RNF38: variants seen among roughly 807,000 people sequenced by gnomAD.
RNF38 encodes the protein ring finger protein 38.
Under a neutral mutation model 67.2 loss-of-function variants are expected in RNF38, and 15 were observed. The ratio of observed to expected loss-of-function variants is 0.22; its 90% CI spans 0.15 to 0.34. RNF38 has a LOEUF of 0.34. RNF38 is among the 10% of genes least tolerant of loss of function. The pLI is 1.00. For missense variants in RNF38, 524 were observed against 639.9 expected (o/e 0.82, Z 1.95); for synonymous variants, 220 against 218.8 (o/e 1.01, Z -0.05).
chr9:36,433,948 T>C (rs1388411653), intron 1 of RNF38, among the ~76,000 whole-genome samples: 2 of 151,770 alleles, frequency 1.3e-5, no homozygotes, highest in Non-Finnish European at 2.9e-5. Context: ...AAAATACTTA[T>C]AACTTTTAGG....
intron 3 of RNF38, 98 bp downstream of exon 3, chr9:36,375,836 T>G: frequency 2.6e-6 from 3 of 1,148,058 alleles, no homozygotes; most frequent in Non-Finnish European, 3.7e-6. Flanking sequence ...GGTGATGTGT[T>G]TATGAAATGC....
chr9:36,439,790 C>CAAAA (rs1156589143), intron 1 of RNF38, among the ~76,000 whole-genome samples: 2 of 76,342 alleles, frequency 2.6e-5, no homozygotes, highest in African/African-American at 4.8e-5. Context: ...GACTCTGTCT[C>CAAAA]AAAAAAAAAA....
At chr9:36,387,361 G>A (rs1836725050) in intron 2 of RNF38, among the ~76,000 whole-genome samples, 1 of 152,166 alleles carries the variant, frequency 6.6e-6, no homozygotes, top group Non-Finnish European at 1.5e-5. Context: ...CAGTCATTAA[G>A]ATACCACAAA....
At chr9:36,400,575 T>G (rs1045921908), upstream of RNF38, 15 of 986,960 alleles carry the variant, frequency 1.5e-5, no homozygotes, top group South Asian at 6.5e-4. Flanking sequence ...GGCTCCGCCC[T>G]GCCGGGCAGC....
At chr9:36,361,472 A>G (rs1181874183) in intron 4 of RNF38, among the ~76,000 whole-genome samples, 1 of 152,116 alleles carries the variant, frequency 6.6e-6, no homozygotes, top group East Asian at 1.9e-4. Context: ...CAGATTGTAT[A>G]GCCATTTTTT....
intron 1 of RNF38, among the ~76,000 whole-genome samples, chr9:36,435,247 G>A (rs569840054): frequency 5.3e-5 from 8 of 152,166 alleles, no homozygotes; most frequent in Non-Finnish European, 8.8e-5. Context: ...TGAACCATGC[G>A]AATATATTAC....
At chr9:36,442,386 C>T (rs1174799017) in intron 1 of RNF38, among the ~76,000 whole-genome samples, 2 of 152,086 alleles carry the variant, frequency 1.3e-5, no homozygotes, top group African/African-American at 4.8e-5. Context: ...ATCCACCTAC[C>T]CACTCATTTC....
At chr9:36,416,742 A>G (rs59893421) in intron 2 of RNF38, among the ~76,000 whole-genome samples, 1 of 63,470 alleles carries the variant, frequency 1.6e-5, no homozygotes, top group African/African-American at 6.5e-5. Flanking sequence ...CTGCCTCGAT[A>G]TTTTTTTTTT....
At chr9:36,417,987 T>A (rs1838517991) in intron 2 of RNF38, among the ~76,000 whole-genome samples, 1 of 152,082 alleles carries the variant, frequency 6.6e-6, no homozygotes, top group Admixed American at 6.5e-5. Context: ...AAATTCCAAT[T>A]GTTATTTCTC....
chr9:36,390,116 C>G (rs1422376569), intron 2 of RNF38, among the ~76,000 whole-genome samples: 1 of 152,162 alleles, frequency 6.6e-6, no homozygotes, highest in African/African-American at 2.4e-5. Flanking sequence ...AACTAGTGAA[C>G]ATCTTACATG....
At chr9:36,372,630 A>G (rs1395508719) in intron 3 of RNF38, 1 of 657,234 alleles carries the variant, frequency 1.5e-6, no homozygotes, top group African/African-American at 1.8e-5. Flanking sequence ...AATACAGAGT[A>G]AGACACACTG....
intron 2 of RNF38, among the ~76,000 whole-genome samples, chr9:36,382,697 G>A (rs1030367603): frequency 3.9e-5 from 6 of 152,280 alleles, no homozygotes; most frequent in African/African-American, 9.6e-5. Flanking sequence ...CCTTCCCAAA[G>A]CAGCAAAGAG....
At position 36,363,598 on chromosome 9, in the gene RNF38, C is replaced by T. The variant is rs1157295781; in HGVS notation, c.571-5656G>A. 4.0e-5 allele frequency among the ~76,000 whole-genome samples: 4 copies of T among 100,334 alleles called. 1 individual carries two copies. Among genetic ancestry groups the T allele is most frequent in the Non-Finnish European group, 7.8e-5 (3 of 38,696 alleles). The allele number at this position is 100,334 out of a possible 152,430, so 65.8% of individuals were successfully genotyped here. On this transcript the variant is annotated intron_variant, in intron 4 of 11. Transcript: ENST00000259605. The stretch of plus-strand genomic sequence containing the variant: ...CATATGCCATGTATATATACTCATG[C>T]GTGGCTTAACGATGGAGATACATTC...
intron 2 of RNF38, among the ~76,000 whole-genome samples, chr9:36,420,883 T>A (rs1370391642): frequency 2.0e-5 from 3 of 152,174 alleles, no homozygotes; most frequent in Non-Finnish European, 4.4e-5. Flanking sequence ...CAGGATTTAA[T>A]AATTAACATC....
chr9:36,392,858 A>G (rs2134045242), intron 1 of RNF38, among the ~76,000 whole-genome samples: 1 of 152,340 alleles, frequency 6.6e-6, no homozygotes, highest in Middle Eastern at 3.4e-3. Context: ...AGATGCAAGC[A>G]GCCAACTGTA....
chr9:36,341,319 GT>G (rs1832809634), intron 11 of RNF38, among the ~76,000 whole-genome samples: 2 of 152,130 alleles, frequency 1.3e-5, no homozygotes, highest in Non-Finnish European at 2.9e-5. Context: ...TCAGGATTGA[GT>G]TTGGGCTAAA....
intron 1 of RNF38, among the ~76,000 whole-genome samples, 170 bp downstream of exon 1, chr9:36,399,927 T>C (rs1242626600): frequency 6.6e-6 from 1 of 152,188 alleles, no homozygotes; most frequent in Non-Finnish European, 1.5e-5. Context: ...TTTGTATACA[T>C]TTAAGTTTTC....
At chr9:36,364,299 G>C (rs1564010971) in intron 4 of RNF38, among the ~76,000 whole-genome samples, 1 of 151,804 alleles carries the variant, frequency 6.6e-6, no homozygotes, top group Non-Finnish European at 1.5e-5. Flanking sequence ...ACTTTCTCTA[G>C]CTTACATTAT....
intron 1 of RNF38, among the ~76,000 whole-genome samples, chr9:36,474,421 T>C (rs1160844210): frequency 6.7e-6 from 1 of 148,894 alleles, no homozygotes; most frequent in Admixed American, 6.7e-5. Flanking sequence ...TCAGCTAAAA[T>C]AGTGATCAAC....
Sources: gnomAD v4.1 joint callset for allele counts (sites outside exome capture counted in the v4.1 genomes callset) on GRCh38, gnomAD v4.1.1 for gene constraint, MANE v1.5 for transcripts, NCBI Gene and HGNC (gene_info 2026-07-23, HGNC 2026-07-21) for gene names.